The following BBX variants were observed in gnomAD, a reference collection of about 807,000 sequenced individuals.
BBX encodes BBX high mobility group box domain containing, also known as HMG box transcription factor BBX.
Under a neutral mutation model 100.2 loss-of-function variants are expected in BBX, and 30 were observed. That is an observed-to-expected ratio of 0.30 (90% confidence interval 0.22 to 0.41). The LOEUF (loss-of-function observed/expected upper bound fraction) is 0.41. Ranked by LOEUF, BBX falls within the 10% of genes least tolerant of loss-of-function variation. The pLI is 1.00. For missense variants in BBX, 1,023 were observed against 1,129.8 expected (o/e 0.91, Z 1.35); for synonymous variants, 376 against 388.1 (o/e 0.97, Z 0.37).
chr3:107,684,185 A>G lies in BBX; in HGVS notation c.-9-26267A>G, dbSNP rs773012346. On this transcript the variant is annotated intron_variant, in intron 3 of 17. Coordinates refer to ENST00000325805, the MANE Select transcript of BBX (RefSeq NM_001142568.3). Reference sequence around the variant, plus strand: ...TAACAAATATTATAATGTGGTTGCTATTTATCTTCTCTAACTGTTTAACAT... The same window carrying G: ...TAACAAATATTATAATGTGGTTGCTGTTTATCTTCTCTAACTGTTTAACAT... Among the ~76,000 whole-genome samples the G allele has an allele frequency of 1.1e-4, 16 of 152,298 alleles. No homozygotes were observed. In the East Asian group the frequency reaches 1.9e-3, roughly 18 times the overall value.
At chr3:107,702,556 A>T (rs981443430) in intron 3 of BBX, among the ~76,000 whole-genome samples, 1 of 152,214 alleles carries the variant, frequency 6.6e-6, no homozygotes, top group Admixed American at 6.5e-5. Flanking sequence ...CTGAACATCT[A>T]TTCCCTGTCT....
chr3:107,677,248 A>G (rs2059328365), intron 3 of BBX, among the ~76,000 whole-genome samples: 1 of 152,172 alleles, frequency 6.6e-6, no homozygotes, highest in South Asian at 2.1e-4. Context: ...GTCCCCTGCT[A>G]GAATATCCAT....
Position 107,613,545 on chromosome 3 carries a change from A to G in BBX, c.-83-32291A>G, listed in dbSNP as rs757403449. 1.5e-4 allele frequency among the ~76,000 whole-genome samples: 23 copies of G among 151,954 alleles called. 1 individual carries two copies. Among genetic ancestry groups the G allele is most frequent in the Non-Finnish European group, 5.9e-5 (4 of 67,998 alleles). ...ATTGTACAGTTGAAAACTGTAACGTATGACAAATAGATAAAGTATAATTAC... is the reference window on the plus strand; with the variant it reads ...ATTGTACAGTTGAAAACTGTAACGTGTGACAAATAGATAAAGTATAATTAC... On this transcript the variant is annotated intron_variant, in intron 2 of 17. Coordinates refer to ENST00000325805, the MANE Select transcript of BBX (RefSeq NM_001142568.3).
At chr3:107,655,022 A>G (rs769820456) in intron 3 of BBX, among the ~76,000 whole-genome samples, 4 of 152,222 alleles carry the variant, frequency 2.6e-5, no homozygotes, top group African/African-American at 7.2e-5. Flanking sequence ...TGCTATCTCT[A>G]TTCACAGCAA....
At chr3:107,523,818 G>A (rs1215886984) in intron 1 of BBX, among the ~76,000 whole-genome samples, 1 of 152,130 alleles carries the variant, frequency 6.6e-6, no homozygotes, top group Non-Finnish European at 1.5e-5. Context: ...GGAGAGTTGG[G>A]ATTTGGGTGT....
intron 3 of BBX, among the ~76,000 whole-genome samples, chr3:107,651,878 T>G (rs1481631042): frequency 6.6e-6 from 1 of 152,156 alleles, no homozygotes; most frequent in Non-Finnish European, 1.5e-5. Flanking sequence ...TATTTTGTTT[T>G]GTTTTAGGCT....
intron 3 of BBX, among the ~76,000 whole-genome samples, chr3:107,682,163 G>C (rs2059604220): frequency 6.6e-6 from 1 of 152,076 alleles, no homozygotes; most frequent in South Asian, 2.1e-4. Context: ...AACATGGGTA[G>C]GGTGAGTGAG....
intron 3 of BBX, among the ~76,000 whole-genome samples, chr3:107,703,853 T>C (rs180837547): frequency 6.6e-6 from 1 of 152,350 alleles, no homozygotes; most frequent in East Asian, 1.9e-4. Flanking sequence ...TAATTGTCAC[T>C]TGGCATCATC....
At chr3:107,536,798 G>A (rs981078949) in intron 2 of BBX, among the ~76,000 whole-genome samples, 1 of 152,206 alleles carries the variant, frequency 6.6e-6, no homozygotes, top group East Asian at 1.9e-4. Context: ...GATGAATATG[G>A]AACAACCCTT....
intron 2 of BBX, among the ~76,000 whole-genome samples, chr3:107,612,853 G>C (rs1382063462): frequency 2.6e-5 from 4 of 152,200 alleles, no homozygotes; most frequent in Non-Finnish European, 5.9e-5. Flanking sequence ...CCCAGGCCCT[G>C]GGTGGGTCCA....
intron 15 of BBX, among the ~76,000 whole-genome samples, chr3:107,794,254 A>G (rs1195435674): frequency 6.6e-6 from 1 of 152,134 alleles, no homozygotes; most frequent in Non-Finnish European, 1.5e-5. Flanking sequence ...CAGTGAATTA[A>G]GGAGGGTTTA....
chr3:107,693,271 T>C (rs1294280524), intron 3 of BBX, among the ~76,000 whole-genome samples: 1 of 151,946 alleles, frequency 6.6e-6, no homozygotes, highest in African/African-American at 2.4e-5. Flanking sequence ...GAAGTCCTTG[T>C]CCATGCCTAT....
At chr3:107,654,776 C>G (rs1380862747) in intron 3 of BBX, among the ~76,000 whole-genome samples, 6 of 152,158 alleles carry the variant, frequency 3.9e-5, no homozygotes, top group Non-Finnish European at 7.3e-5. Flanking sequence ...ACTAAACTAA[C>G]TCAGCTGTTT....
intron 2 of BBX, among the ~76,000 whole-genome samples, chr3:107,568,222 G>A (rs1414043115): frequency 4.6e-5 from 7 of 151,288 alleles, no homozygotes; most frequent in African/African-American, 1.7e-4. Flanking sequence ...GGAGGCTGTT[G>A]GAGTCATGTT....
chr3:107,798,423 C>A, intron 15 of BBX, 100 bp from the exon 16 acceptor site: 1 of 1,116,610 alleles, frequency 9.0e-7, no homozygotes, highest in Non-Finnish European at 1.3e-6. Flanking sequence ...TGTAAATTCT[C>A]CATTCAGACG....
At chr3:107,751,017 T>C (rs1052572765) in intron 9 of BBX, among the ~76,000 whole-genome samples, 1 of 152,234 alleles carries the variant, frequency 6.6e-6, no homozygotes. Flanking sequence ...GGCCTGAGAA[T>C]TTGCATTTTG....
At chr3:107,571,370 T>A (rs1238952799) in intron 2 of BBX, among the ~76,000 whole-genome samples, 1 of 152,140 alleles carries the variant, frequency 6.6e-6, no homozygotes, top group Non-Finnish European at 1.5e-5. Context: ...CCGCAGTGGT[T>A]AAACACCAAG....
chr3:107,618,982 A>C (rs2055520867), intron 2 of BBX, among the ~76,000 whole-genome samples: 2 of 152,168 alleles, frequency 1.3e-5, no homozygotes, highest in East Asian at 3.9e-4. Context: ...TGCTGAGAGA[A>C]AGGTGTCAGT....
At chr3:107,624,885 A>C (rs1163802251) in intron 2 of BBX, among the ~76,000 whole-genome samples, 1 of 152,200 alleles carries the variant, frequency 6.6e-6, no homozygotes, top group Non-Finnish European at 1.5e-5. Context: ...AGAAAAAATA[A>C]AAAGTAGTTT....
Sources: allele counts gnomAD v4.1 joint callset (sites outside exome capture counted in the v4.1 genomes callset), GRCh38; gene constraint gnomAD v4.1.1; transcripts MANE v1.5; gene names NCBI Gene and HGNC (gene_info 2026-07-23, HGNC 2026-07-21).